The following SPIRE1 variants were observed in gnomAD, a reference collection of about 807,000 sequenced individuals.
The protein encoded by SPIRE1 is protein spire homolog 1.
A neutral mutation model predicts 94.1 loss-of-function variants in SPIRE1; 40 were observed. That is an observed-to-expected ratio of 0.43 (90% CI 0.33 to 0.55). The LOEUF is 0.55. Among genes scored for constraint, SPIRE1 ranks in the 20% least tolerant of loss-of-function variants. The pLI, the probability that SPIRE1 is intolerant of heterozygous loss-of-function variation, is 0.06. For missense variants in SPIRE1, 838 were observed against 975.2 expected (o/e 0.86, Z 1.87); for synonymous variants, 376 against 371.7 (o/e 1.01, Z -0.13).
intron 7 of SPIRE1, among the ~76,000 whole-genome samples, chr18:12,493,598 GGT>G (rs1331746439): frequency 2.6e-5 from 4 of 152,104 alleles, no homozygotes; most frequent in South Asian, 2.1e-4. Context: ...GTAGAGATGG[GGT>G]TTCACCAAGT....
intron 6 of SPIRE1, among the ~76,000 whole-genome samples, chr18:12,498,671 G>A (rs1189316365): frequency 1.3e-5 from 2 of 152,184 alleles, no homozygotes; most frequent in African/African-American, 4.8e-5. Context: ...CTATGACCCA[G>A]GTTGGAGTGC....
chr18:12,658,607 G>A, upstream of SPIRE1: 1 of 470,660 alleles, frequency 2.1e-6, no homozygotes, highest in Non-Finnish European at 4.4e-6. Flanking sequence ...TTGAAAACTT[G>A]AACCCGCCTG....
intron 1 of SPIRE1, among the ~76,000 whole-genome samples, chr18:12,655,082 G>T (rs2038500307): frequency 6.6e-6 from 1 of 151,664 alleles, no homozygotes; most frequent in South Asian, 2.1e-4. Flanking sequence ...ACTGGGCAAG[G>T]TGGGTTACAC....
chr18:12,637,183 CCTCAT>C (rs1414028128), intron 1 of SPIRE1, among the ~76,000 whole-genome samples: 3 of 151,992 alleles, frequency 2.0e-5, no homozygotes, highest in African/African-American at 4.8e-5. Context: ...CATGGTGAAA[CCTCAT>C]CTCTATTAAA....
intron 3 of SPIRE1, among the ~76,000 whole-genome samples, chr18:12,543,838 G>C (rs1269785105): frequency 6.6e-6 from 1 of 152,108 alleles, no homozygotes; most frequent in Non-Finnish European, 1.5e-5. Flanking sequence ...GATAATTCTT[G>C]TCTTCTCTTC....
chr18:12,603,574 A>ATT (rs71174104), intron 2 of SPIRE1, among the ~76,000 whole-genome samples: 6 of 138,370 alleles, frequency 4.3e-5, no homozygotes, highest in Non-Finnish European at 6.3e-5. Context: ...CCAGTAGCCA[A>ATT]TTTTTTTTTT....
At chr18:12,450,495 G>A in intron 16 of SPIRE1, 1 of 558,702 alleles carries the variant, frequency 1.8e-6, no homozygotes, top group Non-Finnish European at 3.0e-6. Context: ...GTCTGCTTAT[G>A]CCTTTTTGTG....
chr18:12,659,933 T>C (rs1006593443), upstream of SPIRE1, among the ~76,000 whole-genome samples: 1 of 152,210 alleles, frequency 6.6e-6, no homozygotes, highest in Admixed American at 6.5e-5. Flanking sequence ...AATTTTGCTA[T>C]TTCAAAAGTT....
At chr18:12,463,735 G>A (rs2031973417) in intron 11 of SPIRE1, among the ~76,000 whole-genome samples, 1 of 152,116 alleles carries the variant, frequency 6.6e-6, no homozygotes, top group South Asian at 2.1e-4. Context: ...TAGCCAGAAA[G>A]ATTCCCAAAT....
rs909270348 is a variant in SPIRE1 at position 12,446,579 on chromosome 18, T to A, written c.*3059A>T. ...GAAGACTTTAATGGAAAACATTTAGTACCATCATGTCACCCTGAATGCCAG... is the reference window on the plus strand; with the variant it reads ...GAAGACTTTAATGGAAAACATTTAGAACCATCATGTCACCCTGAATGCCAG... On this transcript the variant is annotated 3_prime_UTR_variant, in exon 17 of 17. Coordinates refer to ENST00000409402, the MANE Select transcript of SPIRE1 (RefSeq NM_001128626.2). 2.0e-5 allele frequency: 3 copies of A among 152,174 alleles called. No individual in the cohort carries two copies. Among genetic ancestry groups the A allele is most frequent in the African/African-American group, 7.2e-5 (3 of 41,448 alleles). 9.4% of individuals were successfully genotyped at this position (152,174 alleles called of 1,614,324 possible).
chr18:12,596,919 T>C (rs1297521500), intron 2 of SPIRE1, among the ~76,000 whole-genome samples: 2 of 152,104 alleles, frequency 1.3e-5, no homozygotes, highest in Non-Finnish European at 2.9e-5. Context: ...CTCCTTCACC[T>C]GCACTGTCCT....
intron 9 of SPIRE1, 135 bp from the exon 10 acceptor site, chr18:12,480,006 ACTT>A (rs1489725645): frequency 4.4e-6 from 3 of 680,214 alleles, no homozygotes; most frequent in East Asian, 5.8e-5. Flanking sequence ...TGTATAGAAA[ACTT>A]CTTCTGGTTG....
chr18:12,496,571 T>C (rs1023768429), intron 6 of SPIRE1, among the ~76,000 whole-genome samples: 29 of 152,180 alleles, frequency 1.9e-4, no homozygotes, highest in African/African-American at 6.5e-4. Flanking sequence ...CTGTCTCTAC[T>C]AAAAATACAA....
chr18:12,529,387 A>T (rs1004662241), intron 4 of SPIRE1, among the ~76,000 whole-genome samples: 4 of 150,340 alleles, frequency 2.7e-5, no homozygotes, highest in African/African-American at 9.8e-5. Context: ...AAAAAAGGGC[A>T]GTATGTGCTG....
At chr18:12,587,614 A>G (rs2036421979) in intron 2 of SPIRE1, among the ~76,000 whole-genome samples, 1 of 152,092 alleles carries the variant, frequency 6.6e-6, no homozygotes, top group South Asian at 2.1e-4. Flanking sequence ...AGAATTAGAA[A>G]CCATAGAGGG....
chr18:12,570,985 T>A (rs2144466485), intron 2 of SPIRE1, among the ~76,000 whole-genome samples: 1 of 152,292 alleles, frequency 6.6e-6, no homozygotes, highest in Non-Finnish European at 1.5e-5. Flanking sequence ...TCCTTTAGTG[T>A]GTGTTTCTTT....
chr18:12,505,042 G>A (rs757356759), intron 6 of SPIRE1, among the ~76,000 whole-genome samples: 17 of 152,132 alleles, frequency 1.1e-4, no homozygotes, highest in East Asian at 1.9e-4. Context: ...GGGCTGTGCC[G>A]GCCACGGTAA....
chr18:12,547,680 G>A (rs2035213836), intron 2 of SPIRE1, among the ~76,000 whole-genome samples: 1 of 152,140 alleles, frequency 6.6e-6, no homozygotes. Flanking sequence ...GGTGGCTCAT[G>A]CCTGTAATCC....
chr18:12,490,272 A>G (rs2033185704), intron 8 of SPIRE1, among the ~76,000 whole-genome samples: 1 of 152,134 alleles, frequency 6.6e-6, no homozygotes, highest in Admixed American at 6.6e-5. Flanking sequence ...GCAACTACAT[A>G]TAATTTTAAA....
Sources: gnomAD v4.1 joint callset for allele counts (sites outside exome capture counted in the v4.1 genomes callset) on GRCh38, gnomAD v4.1.1 for gene constraint, MANE v1.5 for transcripts, NCBI Gene and HGNC (gene_info 2026-07-23, HGNC 2026-07-21) for gene names.